The following CTCF variants were observed in gnomAD, a reference collection of about 807,000 sequenced individuals.
CTCF encodes the protein CCCTC-binding factor, also known as transcriptional repressor CTCF.
Under a neutral mutation model 72.3 loss-of-function variants are expected in CTCF, and 7 were observed. The ratio of observed to expected loss-of-function variants is 0.10; its 90% confidence interval spans 0.06 to 0.18. The LOEUF (loss-of-function observed/expected upper bound fraction) is 0.18, where lower values mean the gene tolerates loss of function less well. Ranked by LOEUF, CTCF falls within the 10% of genes least tolerant of loss-of-function variation. The pLI is 1.00. For missense variants in CTCF, 516 were observed against 949.1 expected (o/e 0.54, Z 6.00); for synonymous variants, 374 against 315.8 (o/e 1.18, Z -1.95).
At chr16:67,601,252 G>GTGTTT (rs1555532966) in intron 2 of CTCF, among the ~76,000 whole-genome samples, 3,460 of 136,954 alleles carry the variant, frequency 0.025, 64 homozygotes, top group Non-Finnish European at 0.039. Flanking sequence ...GTGTGTGTGT[G>GTGTTT]TGTTTTGTTT....
chr16:67,590,113 CT>C (rs201207895), intron 2 of CTCF, among the ~76,000 whole-genome samples: 5,416 of 141,214 alleles, frequency 0.038, 84 homozygotes, highest in Middle Eastern at 0.15. Context: ...ACAGTTAGAA[CT>C]TTTTTTTTTT....
In CTCF at chr16:67,636,754, T is replaced by A; in HGVS notation, c.1902T>A (p.Pro634=). ...DEEEPAVEIE[P]EPEPQPVTPA... is the part of the protein sequence containing the mutation. ...AGGAGCCTGCCGTAGAAATTGAACC[T>A]GAGCCAGAGCCTCAGCCTGTGACCC... Residue 634 remains proline, a synonymous_variant, in exon 11 of 12, where the codon CCT becomes CCA. Transcript: ENST00000264010. 1 of 1,609,186 alleles carries A rather than the reference T, an allele frequency of 6.2e-7. No homozygotes were observed. Among genetic ancestry groups the A allele is most frequent in the South Asian group, 1.1e-5 (1 of 89,828 alleles).
intron 2 of CTCF, among the ~76,000 whole-genome samples, chr16:67,601,034 T>G (rs1391684942): frequency 6.6e-6 from 1 of 151,844 alleles, no homozygotes; most frequent in African/African-American, 2.4e-5. Flanking sequence ...TTGAAAGCAG[T>G]AAAGAAAGGA....
intron 7 of CTCF, among the ~76,000 whole-genome samples, chr16:67,624,107 G>GTA: frequency 7.2e-6 from 1 of 138,750 alleles, no homozygotes; most frequent in African/African-American, 2.9e-5. Flanking sequence ...GTGTGTGTGT[G>GTA]TGTGTGTGTA....
chr16:67,567,592 T>C (rs2051359795), intron 1 of CTCF, among the ~76,000 whole-genome samples: 2 of 151,996 alleles, frequency 1.3e-5, no homozygotes. Context: ...TTTTTTTTAA[T>C]ACATTTTGAT....
chr16:67,603,067 G>A (rs969274300), intron 2 of CTCF, among the ~76,000 whole-genome samples: 3 of 151,942 alleles, frequency 2.0e-5, no homozygotes, highest in African/African-American at 2.4e-5. Context: ...AGAATTTAGA[G>A]TTTCACTGGT....
intron 2 of CTCF, among the ~76,000 whole-genome samples, chr16:67,608,288 C>T (rs533560415): frequency 1.3e-5 from 2 of 150,740 alleles, no homozygotes; most frequent in Non-Finnish European, 3.0e-5. Flanking sequence ...CGTGCCACTG[C>T]ACCCTAGCCT....
chr16:67,580,772 A>ATTTTTTTTTTTTTTTTTTTT lies in CTCF; in HGVS notation c.-10+9512_-10+9531dup, dbSNP rs781616750. Among the ~76,000 whole-genome samples the ATTTTTTTTTTTTTTTTTTTT allele has an allele frequency of 2.9e-4, 35 of 120,158 alleles. 1 individual carries two copies. Among genetic ancestry groups the ATTTTTTTTTTTTTTTTTTTT allele is most frequent in the African/African-American group, 1.2e-3 (35 of 28,912 alleles). 78.8% of individuals were successfully genotyped at this position (120,158 alleles called of 152,430 possible). ...GGCACCTGCCCCAACGCCTGGCCAAATTTTTTTTTTTTTTTTTTTTTTTAG... is the reference window on the plus strand; with the variant it reads ...GGCACCTGCCCCAACGCCTGGCCAAATTTTTTTTTTTTTTTTTTTTTTTTTTTTTTTTTTTTTTTTTTTAG... On this transcript the variant is annotated intron_variant, in intron 2 of 11. Coordinates refer to ENST00000264010, the MANE Select transcript of CTCF (RefSeq NM_006565.4).
chr16:67,602,131 T>C (rs537292139), intron 2 of CTCF, among the ~76,000 whole-genome samples: 9 of 152,194 alleles, frequency 5.9e-5, no homozygotes, highest in Non-Finnish European at 1.2e-4. Context: ...CCCAAAGTGC[T>C]GGGATTACAG....
chr16:67,609,733 C>T (rs1046543631), intron 2 of CTCF, among the ~76,000 whole-genome samples: 2 of 151,874 alleles, frequency 1.3e-5, no homozygotes, highest in Non-Finnish European at 2.9e-5. Flanking sequence ...ACGCCATTCT[C>T]CTGCCTCAGC....
intron 1 of CTCF, among the ~76,000 whole-genome samples, chr16:67,564,371 A>AGG (rs1567587287): frequency 3.3e-5 from 5 of 152,320 alleles, no homozygotes; most frequent in African/African-American, 1.2e-4. Flanking sequence ...TGAAGAAATT[A>AGG]AACAGCCTGG....
intron 7 of CTCF, among the ~76,000 whole-genome samples, chr16:67,624,069 A>ATGTGTGTGTG (rs1482127509): frequency 1.3e-4 from 12 of 91,494 alleles, no homozygotes; most frequent in Non-Finnish European, 2.2e-4. Flanking sequence ...AAAAAATTAT[A>ATGTGTGTGTG]TATGTGTGTG....
intron 2 of CTCF, among the ~76,000 whole-genome samples, chr16:67,581,712 A>T (rs1031768866): frequency 6.6e-6 from 1 of 151,970 alleles, no homozygotes; most frequent in Admixed American, 6.6e-5. Context: ...CACGTTGGCC[A>T]GGCTGGTCTA....
chr16:67,577,193 C>T (rs992154092), intron 2 of CTCF, among the ~76,000 whole-genome samples: 8 of 151,438 alleles, frequency 5.3e-5, no homozygotes, highest in Non-Finnish European at 8.8e-5. Context: ...CCGAGGTGGG[C>T]GGATCACGAG....
intron 2 of CTCF, among the ~76,000 whole-genome samples, chr16:67,608,782 G>C (rs2052013795): frequency 6.6e-6 from 1 of 151,548 alleles, no homozygotes; most frequent in Non-Finnish European, 1.5e-5. Flanking sequence ...TGTTGCCCAG[G>C]CTGCACAGTA....
chr16:67,636,431 C>A (rs2052428880), intron 10 of CTCF, among the ~76,000 whole-genome samples: 2 of 148,458 alleles, frequency 1.3e-5, no homozygotes, highest in African/African-American at 5.0e-5. Flanking sequence ...GCCTGTAGTC[C>A]CGGCCACTCA....
At chr16:67,607,312 T>G (rs1441156406) in intron 2 of CTCF, among the ~76,000 whole-genome samples, 1 of 151,646 alleles carries the variant, frequency 6.6e-6, no homozygotes, top group East Asian at 2.0e-4. Context: ...TTGTTTTTTA[T>G]TTTTTGTTTT....
intron 2 of CTCF, among the ~76,000 whole-genome samples, chr16:67,595,089 A>G (rs2051794044): frequency 6.6e-6 from 1 of 152,190 alleles, no homozygotes; most frequent in Admixed American, 6.6e-5. Context: ...TGATTCAGTC[A>G]GCATCACCAA....
chr16:67,614,163 A>G (rs1205003175), intron 4 of CTCF, among the ~76,000 whole-genome samples: 1 of 151,810 alleles, frequency 6.6e-6, no homozygotes. Context: ...CCTGGCTAAC[A>G]TGACGAAACC....
Sources: allele counts gnomAD v4.1 joint callset (sites outside exome capture counted in the v4.1 genomes callset), GRCh38; gene constraint gnomAD v4.1.1; transcripts MANE v1.5; gene names NCBI Gene and HGNC (gene_info 2026-07-23, HGNC 2026-07-21).